Variants in PTPRN2 observed in about 807,000 individuals in gnomAD.
PTPRN2 encodes receptor-type tyrosine-protein phosphatase N2.
A neutral mutation model predicts 118.8 loss-of-function variants in PTPRN2; 74 were observed. That is an observed-to-expected ratio of 0.62 (90% CI 0.52 to 0.76). The LOEUF (loss-of-function observed/expected upper bound fraction) is 0.76. PTPRN2 is among the 30% of genes least tolerant of loss of function. The pLI is 0.00. For missense variants in PTPRN2, 1,481 were observed against 1,394.4 expected, an observed-to-expected ratio of 1.06 and a Z score of -0.99; for synonymous variants, 641 against 608.0, an observed-to-expected ratio of 1.05 and a Z score of -0.80.
At chr7:158,331,114 C>G (rs202196737) in intron 2 of PTPRN2, among the ~76,000 whole-genome samples, 1 of 148,592 alleles carries the variant, frequency 6.7e-6, no homozygotes, top group African/African-American at 2.5e-5. Context: ...CACTCACACC[C>G]ACACTCTCAC....
rs77567803 is a variant in PTPRN2, at chr7:158,083,020, C to T, written c.1644-1643G>A. Among the ~76,000 whole-genome samples the T allele has an allele frequency of 3.6e-3, 541 of 152,318 alleles. 5 individuals carry two copies. Among genetic ancestry groups the T allele is most frequent in the African/African-American group, 0.012 (513 of 41,574 alleles). ...GCTCTCCTGCCAACGATGTTCCACT[C>T]GCTCATGAGTGCTGAGTTCTACCCC... On this transcript the variant is annotated intron_variant, in intron 10 of 22. Coordinates refer to ENST00000389418, the MANE Select transcript of PTPRN2 (RefSeq NM_002847.5).
intron 2 of PTPRN2, among the ~76,000 whole-genome samples, chr7:158,333,341 G>C (rs1479816429): frequency 7.4e-6 from 1 of 134,660 alleles, no homozygotes; most frequent in African/African-American, 3.1e-5. Flanking sequence ...CACCATAAGA[G>C]GTGACACCTG....
rs1825066409 is a variant in PTPRN2, at chr7:158,529,639, T to C, written c.113-39854A>G. ...GCTCCAATCAGCAGCGAAGATGCAG[T>C]GTGGGAATGACAGCAGCTTCCCTCT... On this transcript the variant is annotated intron_variant, in intron 1 of 22. Transcript: ENST00000389418. This position sits in a 1 kb window ranked among gnomAD's most constrained non-coding sequence, Gnocchi z 4.7. 6.6e-6 allele frequency among the ~76,000 whole-genome samples: 1 copy of C among 152,192 alleles called. No individual in the cohort carries two copies. Among genetic ancestry groups the C allele is most frequent in the African/African-American group, 2.4e-5 (1 of 41,448 alleles).
At chr7:157,722,362 G>A (rs1353274735) in intron 12 of PTPRN2, among the ~76,000 whole-genome samples, 1 of 152,210 alleles carries the variant, frequency 6.6e-6, no homozygotes, top group African/African-American at 2.4e-5. Context: ...CTCAGGGGGG[G>A]TCCTGATGTC....
chr7:158,322,449 G>A (rs1178944690), intron 2 of PTPRN2, among the ~76,000 whole-genome samples: 3 of 152,234 alleles, frequency 2.0e-5, no homozygotes, highest in African/African-American at 2.4e-5. Context: ...CAGGCTAAGG[G>A]AGCAGCTCCG....
intron 12 of PTPRN2, among the ~76,000 whole-genome samples, chr7:157,870,759 G>A (rs559949031): frequency 2.6e-5 from 4 of 152,346 alleles, no homozygotes; most frequent in South Asian, 4.1e-4. Context: ...TGAGCCGCCA[G>A]GAATCCTGCT....
At chr7:157,545,657 T>G (rs1246581162) in intron 22 of PTPRN2, among the ~76,000 whole-genome samples, 1 of 152,042 alleles carries the variant, frequency 6.6e-6, no homozygotes, top group Non-Finnish European at 1.5e-5. Flanking sequence ...AATGCTCAGG[T>G]GGGCGCTGGT....
intron 4 of PTPRN2, among the ~76,000 whole-genome samples, chr7:158,193,699 G>A (rs907868963): frequency 7.9e-5 from 12 of 152,042 alleles, no homozygotes; most frequent in Non-Finnish European, 1.6e-4. Context: ...AGACTCTGCC[G>A]CTGGTCTCTG....
At chr7:158,167,401 TA>T (rs752759354) in intron 5 of PTPRN2, 110 bp from the exon 6 acceptor site, 153 of 1,363,242 alleles carry the variant, frequency 1.1e-4, no homozygotes, top group Non-Finnish European at 1.4e-4. Flanking sequence ...GCCCTGGGGG[TA>T]CAAAGATGCC....
At chr7:157,783,280 G>A (rs1026388240) in intron 12 of PTPRN2, among the ~76,000 whole-genome samples, 7 of 151,920 alleles carry the variant, frequency 4.6e-5, no homozygotes, top group Admixed American at 4.6e-4. Context: ...CACCTGCCTT[G>A]GCGGTGCTGT....
intron 2 of PTPRN2, among the ~76,000 whole-genome samples, chr7:158,482,432 A>G (rs942528989): frequency 6.6e-6 from 1 of 152,230 alleles, no homozygotes; most frequent in Non-Finnish European, 1.5e-5. Flanking sequence ...CACGGCCCTG[A>G]TCAATCAGCA....
At chr7:158,342,632 C>T (rs915613312) in intron 2 of PTPRN2, among the ~76,000 whole-genome samples, 2 of 152,238 alleles carry the variant, frequency 1.3e-5, no homozygotes, top group African/African-American at 4.8e-5. Flanking sequence ...AGACATCACT[C>T]ACACAGTCAA....
chr7:158,023,589 G>A lies in PTPRN2; in HGVS notation c.1723+57709C>T, dbSNP rs189483693. On this transcript the variant is annotated intron_variant, in intron 11 of 22. Transcript: ENST00000389418. ...GTTCCTTGTTCTGCTCCCTTCTTGC[G>A]GTGTCCCCCACTGCCTGGACTACAG... Among the ~76,000 whole-genome samples the A allele has an allele frequency of 3.6e-3, 544 of 152,244 alleles. 13 individuals carry two copies. Among genetic ancestry groups the A allele is most frequent in the Admixed American group, 0.032 (483 of 15,286 alleles).
At chr7:158,295,432 C>T (rs374594195) in intron 3 of PTPRN2, among the ~76,000 whole-genome samples, 2 of 30,644 alleles carry the variant, frequency 6.5e-5, no homozygotes, top group African/African-American at 1.3e-4. Flanking sequence ...ACTCTCCATG[C>T]GCGTGGTTCA....
At chr7:158,179,127 G>C (rs1019653165) in intron 5 of PTPRN2, among the ~76,000 whole-genome samples, 1 of 152,148 alleles carries the variant, frequency 6.6e-6, no homozygotes, top group Non-Finnish European at 1.5e-5. Flanking sequence ...CACCTGCAGT[G>C]GATAAGTGTT....
intron 11 of PTPRN2, among the ~76,000 whole-genome samples, chr7:158,067,525 C>T (rs377647426): frequency 7.9e-5 from 12 of 152,274 alleles, no homozygotes; most frequent in African/African-American, 9.6e-5. Flanking sequence ...GCGTTTTTAA[C>T]GACCTCCAGC....
chr7:158,474,137 TGTGTCCCCTCA>T (rs1224322818), intron 2 of PTPRN2, among the ~76,000 whole-genome samples: 2 of 152,198 alleles, frequency 1.3e-5, no homozygotes, highest in Non-Finnish European at 2.9e-5. Context: ...GCGGCCCCAC[TGTGTCCCCTCA>T]CAGCTGGTCA....
Position 157,874,764 on chromosome 7 carries a change from T to C in PTPRN2, c.1788+23909A>G, listed in dbSNP as rs1214752232. Among the ~76,000 whole-genome samples the C allele has an allele frequency of 1.9e-4, 25 of 131,256 alleles. No homozygotes were observed. The highest frequency in any genetic ancestry group is 2.9e-5 in the African/African-American group (1 of 34,992). 86.1% of individuals were successfully genotyped at this position (131,256 alleles called of 152,430 possible). ...ATGCACATACACAGACACACACTCATGCACACACACACGAACACACTCATA... is the reference window on the plus strand; with the variant it reads ...ATGCACATACACAGACACACACTCACGCACACACACACGAACACACTCATA... On this transcript the variant is annotated intron_variant, in intron 12 of 22. Coordinates refer to ENST00000389418, the MANE Select transcript of PTPRN2 (RefSeq NM_002847.5). The surrounding 1 kb of genome is among the most constrained non-coding windows in gnomAD (Gnocchi z 5.8).
chr7:158,238,585 C>T (rs1015636540), intron 3 of PTPRN2, among the ~76,000 whole-genome samples: 3 of 152,134 alleles, frequency 2.0e-5, no homozygotes, highest in Non-Finnish European at 4.4e-5. Context: ...TTAACCATTG[C>T]TCCAGGATGC....
Sources: allele counts gnomAD v4.1 joint callset (sites outside exome capture counted in the v4.1 genomes callset), GRCh38; gene constraint gnomAD v4.1.1; non-coding constraint Gnocchi (gnomAD v3.1); transcripts MANE v1.5; gene names NCBI Gene and HGNC (gene_info 2026-07-23, HGNC 2026-07-21).